KLF12: variants seen among roughly 807,000 people sequenced by gnomAD.
KLF12 encodes Krueppel-like factor 12.
In KLF12, 9 loss-of-function variants were observed where a neutral mutation model predicts 37.8. That is an observed-to-expected ratio of 0.24 (90% CI 0.14 to 0.42). KLF12 has a LOEUF of 0.42. Ranked by LOEUF, KLF12 falls within the 10% of genes least tolerant of loss-of-function variation. The pLI, the probability that KLF12 is intolerant of heterozygous loss-of-function variation, is 1.00. For synonymous variants in KLF12, 208 were observed against 202.1 expected, an observed-to-expected ratio of 1.03 and a Z score of -0.25; for missense variants, 411 against 516.0, an observed-to-expected ratio of 0.80 and a Z score of 1.97.
intron 4 of KLF12, among the ~76,000 whole-genome samples, chr13:73,831,436 G>T (rs945226587): frequency 6.6e-6 from 1 of 152,042 alleles, no homozygotes; most frequent in African/African-American, 2.4e-5. Context: ...TTATTTAAAT[G>T]ATTTTTAATA....
At chr13:74,219,801 G>A in the KLF12 span, among the ~76,000 whole-genome samples, 1 of 149,814 alleles carries the variant, frequency 6.7e-6, no homozygotes, top group East Asian at 2.0e-4. Flanking sequence ...AGCTGTCAGT[G>A]TAATTGTTGT....
At position 74,131,388 on chromosome 13, in the gene KLF12, T is replaced by C. The variant is rs115128444; in HGVS notation, c.-32+2351A>G. Among the ~76,000 whole-genome samples, 537 of 151,826 alleles carry C rather than the reference T, an allele frequency of 3.5e-3. 5 individuals carry two copies. The highest frequency in any genetic ancestry group is 0.012 in the African/African-American group (502 of 41,388). The stretch of plus-strand genomic sequence containing the variant: ...TGTTCTCCCTTTGGCCTGGGGAGAG[T>C]GAGTACACTAGTGTTTGCAGACCTT... On this transcript the variant is annotated intron_variant, in intron 1 of 7. Coordinates refer to ENST00000377669, the MANE Select transcript of KLF12 (RefSeq NM_007249.5).
In KLF12 at chr13:74,116,578, T is replaced by C. The variant is rs536641550; in HGVS notation, c.-32+17161A>G. ...GAGAATAAGTTGATTCCCATGGCTA[T>C]GATTGTTTCCTAGACACAGTTTAAG... On this transcript the variant is annotated intron_variant, in intron 1 of 7. Transcript: ENST00000377669. Among the ~76,000 whole-genome samples, 5 of 152,340 alleles carry C rather than the reference T, an allele frequency of 3.3e-5. No individual in the cohort carries two copies. The South Asian group carries it at 8.3e-4, about 25-fold the overall frequency.
At chr13:73,883,164 TA>T (rs1355756236) in intron 3 of KLF12, among the ~76,000 whole-genome samples, 3 of 152,150 alleles carry the variant, frequency 2.0e-5, no homozygotes, top group African/African-American at 7.2e-5. Flanking sequence ...GGCTATTAAA[TA>T]AAAGATCATG....
chr13:73,952,294 A>G (rs1438984958), intron 2 of KLF12, among the ~76,000 whole-genome samples: 3 of 152,198 alleles, frequency 2.0e-5, no homozygotes, highest in Non-Finnish European at 4.4e-5. Context: ...AGCATGGCTG[A>G]GGAGGCCTCA....
chr13:73,780,561 C>A (rs1258768409), intron 5 of KLF12, among the ~76,000 whole-genome samples: 2 of 152,004 alleles, frequency 1.3e-5, no homozygotes, highest in Non-Finnish European at 2.9e-5. Context: ...CTCACCGCAA[C>A]CTCCGCCGCC....
chr13:73,924,253 T>A (rs1200958531), intron 3 of KLF12, among the ~76,000 whole-genome samples: 3 of 152,244 alleles, frequency 2.0e-5, no homozygotes. Flanking sequence ...CTTTGCTTTA[T>A]TGTGCTTCAC....
the KLF12 span, among the ~76,000 whole-genome samples, chr13:74,242,221 C>T: frequency 1.3e-5 from 2 of 152,128 alleles, no homozygotes; most frequent in Non-Finnish European, 2.9e-5. Context: ...TTACATGTCC[C>T]TGAATTTTCT....
At chr13:73,835,993 T>A (rs769013957) in intron 4 of KLF12, among the ~76,000 whole-genome samples, 9 of 152,028 alleles carry the variant, frequency 5.9e-5, no homozygotes, top group Non-Finnish European at 1.3e-4. Context: ...CCTGGCTTTG[T>A]AAATTGCCCA....
the KLF12 span, among the ~76,000 whole-genome samples, chr13:74,260,626 AAT>A: frequency 3.2e-4 from 37 of 117,204 alleles, no homozygotes; most frequent in African/African-American, 1.7e-3. Flanking sequence ...AATAAAATAA[AAT>A]AGTGAATTAA....
At chr13:74,183,308 C>T in the KLF12 span, among the ~76,000 whole-genome samples, 4 of 152,234 alleles carry the variant, frequency 2.6e-5, no homozygotes, top group South Asian at 2.1e-4. Flanking sequence ...ATGCGGGACT[C>T]GGCTATGACT....
chr13:74,151,931 T>A, the KLF12 span, among the ~76,000 whole-genome samples: 6 of 152,230 alleles, frequency 3.9e-5, no homozygotes, highest in African/African-American at 1.4e-4. Context: ...AAAATGCACG[T>A]TGAAAAGAAG....
Position 73,963,439 on chromosome 13 carries a change from C to A in KLF12, c.34-19369G>T, listed in dbSNP as rs1332312986. ...AACCATCGCAGGCATTGAGACACAG[C>A]ACTCTGCCTCAACTAACCTTAACTT... On this transcript the variant is annotated intron_variant, in intron 2 of 7. Coordinates refer to ENST00000377669, the MANE Select transcript of KLF12 (RefSeq NM_007249.5). Among the ~76,000 whole-genome samples, 6 of 152,144 alleles carry A rather than the reference C, an allele frequency of 3.9e-5. No homozygotes were observed. In the East Asian group the frequency reaches 1.2e-3, roughly 29 times the overall value.
At chr13:73,702,091 G>A (rs529574002) in intron 7 of KLF12, among the ~76,000 whole-genome samples, 11 of 152,120 alleles carry the variant, frequency 7.2e-5, no homozygotes, top group African/African-American at 1.2e-4. Context: ...ACTCCATTTC[G>A]GAGTTCATGT....
intron 3 of KLF12, among the ~76,000 whole-genome samples, chr13:73,878,852 G>A (rs1397073956): frequency 1.3e-5 from 2 of 152,172 alleles, no homozygotes; most frequent in East Asian, 3.9e-4. Context: ...ATCCCTGGGA[G>A]GCCAGGGGAG....
At chr13:73,786,492 T>C (rs1881352077) in intron 5 of KLF12, among the ~76,000 whole-genome samples, 1 of 152,114 alleles carries the variant, frequency 6.6e-6, no homozygotes, top group Non-Finnish European at 1.5e-5. Context: ...CCCCTAGGCT[T>C]GTATTTGTTG....
intron 3 of KLF12, among the ~76,000 whole-genome samples, chr13:73,890,337 A>G (rs1887443928): frequency 6.6e-6 from 1 of 152,090 alleles, no homozygotes; most frequent in South Asian, 2.1e-4. Context: ...GTTTGTTTAA[A>G]CTTTCTGACT....
At chr13:73,695,729 A>T (rs1874099147) in intron 7 of KLF12, 58 bp from the exon 8 acceptor site, 2 of 1,490,004 alleles carry the variant, frequency 1.3e-6, no homozygotes, top group Non-Finnish European at 1.9e-6. Context: ...TGCCATAACC[A>T]GGCCAGTACT....
intron 3 of KLF12, among the ~76,000 whole-genome samples, chr13:73,941,365 C>T (rs9530262): frequency 0.34 from 52,086 of 151,852 alleles, 10,114 homozygotes; most frequent in East Asian, 0.59. Context: ...GAGTCCAACC[C>T]GGGCAACATA....
Sources: allele counts gnomAD v4.1 joint callset (sites outside exome capture counted in the v4.1 genomes callset), GRCh38; gene constraint gnomAD v4.1.1; transcripts MANE v1.5; gene names NCBI Gene and HGNC (gene_info 2026-07-23, HGNC 2026-07-21).